UGT1A10: variants seen among roughly 807,000 people sequenced by gnomAD.
The protein encoded by UGT1A10 is UDP-glucuronosyltransferase 1A10.
In UGT1A10, 49 loss-of-function variants were observed where a neutral mutation model predicts 45.8. The ratio of observed to expected loss-of-function variants is 1.07; its 90% CI spans 0.85 to 1.36. The LOEUF is 1.36. Ranked by LOEUF, UGT1A10 falls within the 40% of genes most tolerant of loss-of-function variation. The pLI, the probability that UGT1A10 is intolerant of heterozygous loss-of-function variation, is 0.00. For synonymous variants in UGT1A10, 284 were observed against 249.7 expected (o/e 1.14, Z -1.29); for missense variants, 745 against 668.6 (o/e 1.11, Z -1.26).
intron 1 of UGT1A10, among the ~76,000 whole-genome samples, chr2:233,681,233 A>C (rs1157509119): frequency 6.6e-6 from 1 of 151,968 alleles, no homozygotes; most frequent in African/African-American, 2.4e-5. Context: ...GGACAAAATA[A>C]AAATTGTCTA....
chr2:233,717,731 T>C (rs923613930), intron 1 of UGT1A10: 5 of 456,000 alleles, frequency 1.1e-5, no homozygotes, highest in Non-Finnish European at 2.2e-5. Context: ...GAGACCATTG[T>C]GAGTGCTCAG....
intron 1 of UGT1A10, among the ~76,000 whole-genome samples, chr2:233,757,619 A>G (rs1437494515): frequency 1.3e-5 from 2 of 148,966 alleles, no homozygotes; most frequent in African/African-American, 2.5e-5. Flanking sequence ...CTGCTAAAAG[A>G]TACAAGGCAG....
At chr2:233,759,469 A>G (rs1187872464) in intron 1 of UGT1A10, among the ~76,000 whole-genome samples, 5 of 152,280 alleles carry the variant, frequency 3.3e-5, no homozygotes, top group Admixed American at 2.6e-4. Flanking sequence ...CTCAAGATCT[A>G]TCTTACAGGA....
At chr2:233,687,451 C>T (rs1271564164) in intron 1 of UGT1A10, among the ~76,000 whole-genome samples, 2 of 152,024 alleles carry the variant, frequency 1.3e-5, no homozygotes, top group Non-Finnish European at 2.9e-5. Flanking sequence ...TAAGTATTTA[C>T]ATGGAAGCTG....
chr2:233,754,495 A>T, intron 1 of UGT1A10: 1 of 357,368 alleles, frequency 2.8e-6, no homozygotes, highest in Non-Finnish European at 5.5e-6. Context: ...TCCTAAAAAA[A>T]GTCCGCTATT....
At chr2:233,659,833 C>T (rs768192355) in intron 1 of UGT1A10, among the ~76,000 whole-genome samples, 11 of 152,196 alleles carry the variant, frequency 7.2e-5, no homozygotes, top group East Asian at 1.9e-4. Flanking sequence ...CTTCAATAAT[C>T]GGAATCCTTC....
At chr2:233,755,343 G>C (rs1398050139) in intron 1 of UGT1A10, 2 of 413,026 alleles carry the variant, frequency 4.8e-6, no homozygotes, top group Non-Finnish European at 8.6e-6. Flanking sequence ...GCACAGGTCA[G>C]AGGCTTGGCG....
intron 1 of UGT1A10, chr2:233,717,647 G>A (rs2076594921): frequency 1.2e-5 from 5 of 402,786 alleles, no homozygotes; most frequent in Admixed American, 5.2e-5. Context: ...GGGCGACCAG[G>A]ACAAGGAAGC....
intron 1 of UGT1A10, among the ~76,000 whole-genome samples, chr2:233,737,586 G>T (rs1642090076): frequency 6.6e-6 from 1 of 152,172 alleles, no homozygotes; most frequent in African/African-American, 2.4e-5. Flanking sequence ...CAGTCCCAAT[G>T]AGATGAACCA....
chr2:233,655,812 T>C (rs2073842362), intron 1 of UGT1A10, among the ~76,000 whole-genome samples: 1 of 152,236 alleles, frequency 6.6e-6, no homozygotes, highest in Non-Finnish European at 1.5e-5. Flanking sequence ...CCAGCCATTC[T>C]CTTAACAATT....
At chr2:233,713,078 G>A in intron 1 of UGT1A10, 4 of 1,614,202 alleles carry the variant, frequency 2.5e-6, no homozygotes, top group Non-Finnish European at 3.4e-6. Context: ...CTGAGAGTGG[G>A]AAGGTGCTGG....
chr2:233,693,772 A>G (rs2075180010), intron 1 of UGT1A10: 1 of 1,614,048 alleles, frequency 6.2e-7, no homozygotes, highest in African/African-American at 1.3e-5. Flanking sequence ...GGCTGTTAAG[A>G]TATGACTTTG....
At chr2:233,658,760 T>G (rs2073906503) in intron 1 of UGT1A10, among the ~76,000 whole-genome samples, 1 of 152,250 alleles carries the variant, frequency 6.6e-6, no homozygotes, top group Non-Finnish European at 1.5e-5. Context: ...GTCTTTGCAC[T>G]TTTGTAAAAA....
At position 233,647,651 on chromosome 2, in the gene UGT1A10, A is replaced by G. The variant is rs28969988; in HGVS notation, c.855+10274A>G. Reference sequence around the variant, plus strand: ...GTCTTTTAAGAAATTTGTCCATTCCATCTAAGTTGTAGATTTTATTGGCAT... The same window carrying G: ...GTCTTTTAAGAAATTTGTCCATTCCGTCTAAGTTGTAGATTTTATTGGCAT... On this transcript the variant is annotated intron_variant, in intron 1 of 4. Transcript: ENST00000344644. Among the ~76,000 whole-genome samples, 470 of 152,302 alleles carry G rather than the reference A, an allele frequency of 3.1e-3. 1 individual carries two copies. Among genetic ancestry groups the G allele is most frequent in the African/African-American group, 0.01 (418 of 41,564 alleles).
chr2:233,672,777 G>C, intron 1 of UGT1A10: 1 of 1,613,488 alleles, frequency 6.2e-7, no homozygotes, highest in Non-Finnish European at 8.5e-7. Context: ...ATCAGGGAAA[G>C]CCGTTGCCTA....
intron 1 of UGT1A10, among the ~76,000 whole-genome samples, chr2:233,695,413 C>T (rs1307794775): frequency 6.9e-6 from 1 of 145,526 alleles, no homozygotes; most frequent in Non-Finnish European, 1.5e-5. Flanking sequence ...CGTGAGCTAC[C>T]GCGCCCGGCC....
intron 1 of UGT1A10, chr2:233,682,369 A>G (rs746633275): frequency 6.8e-6 from 11 of 1,614,044 alleles, no homozygotes; most frequent in Non-Finnish European, 9.3e-6. Flanking sequence ...GTTTTGATGC[A>G]GTGTTTCTCG....
At chr2:233,729,119 C>T in intron 1 of UGT1A10, 2 of 1,613,028 alleles carry the variant, frequency 1.2e-6, no homozygotes, top group East Asian at 2.2e-5. Context: ...TCCGTGTCTT[C>T]TGCTGAGATG....
intron 1 of UGT1A10, chr2:233,690,639 A>C: frequency 7.8e-7 from 1 of 1,287,678 alleles, no homozygotes; most frequent in South Asian, 1.2e-5. Context: ...ACCTGAGGAC[A>C]CCTTGACTCC....
Sources: gnomAD v4.1 joint callset for allele counts (sites outside exome capture counted in the v4.1 genomes callset) on GRCh38, gnomAD v4.1.1 for gene constraint, MANE v1.5 for transcripts, NCBI Gene and HGNC (gene_info 2026-07-23, HGNC 2026-07-21) for gene names.